GSDME: variants seen among roughly 807,000 people sequenced by gnomAD.
GSDME encodes the protein gasdermin E.
Under a neutral mutation model 47.5 loss-of-function variants are expected in GSDME, and 44 were observed. The observed-to-expected ratio is 0.93, with a 90% CI of 0.73 to 1.19. GSDME has a LOEUF of 1.19. Among genes scored for constraint, GSDME ranks in the 50% most tolerant of loss-of-function variants. The pLI is 0.00. For synonymous variants in GSDME, 258 were observed against 252.8 expected (o/e 1.02, Z -0.20); for missense variants, 663 against 604.2 (o/e 1.10, Z -1.02).
chr7:24,791,431 C>T, the GSDME span, among the ~76,000 whole-genome samples: 4 of 152,214 alleles, frequency 2.6e-5, no homozygotes, highest in Non-Finnish European at 5.9e-5. This position sits in a 1 kb window ranked among gnomAD's most constrained non-coding sequence, Gnocchi z 4.8. Context: ...TAGACCTTGC[C>T]TAGCATTGTG....
In GSDME at chr7:24,719,210, T is replaced by C. The variant is rs1285113783; in HGVS notation, c.413A>G (p.Asn138Ser). ...CTGCTGGAGCACAGGGTTTCTCAGA[T>C]TTATTGTTCTGAAAAAGAAAAACGG... ...LIRDSAERTI[N>S]LRNPVLQQVL... is the part of the protein sequence containing the mutation. The change falls in exon 4 of 10, where the codon AAT becomes AGT. Residue 138 changes from asparagine to serine, a missense_variant. Coordinates refer to ENST00000645220, the MANE Select transcript of GSDME (RefSeq NM_001127453.2). 6.2e-7 allele frequency: 1 copy of C among 1,611,278 alleles called. No individual in the cohort carries two copies. The highest frequency in any genetic ancestry group is 2.2e-5 in the East Asian group (1 of 44,902).
chr7:24,719,139 T>A lies in GSDME; in HGVS notation c.484A>T (p.Ile162Phe). The change falls in exon 4 of 10, where the codon ATC (isoleucine) becomes TTC (phenylalanine). Residue 162 changes from isoleucine (I) to phenylalanine (F), a missense_variant. By Grantham distance (21) the Ile-to-Phe change is conservative. Transcript: ENST00000645220. ...NEVLCVLTQK[I>F]TTMQKCVISE... is the part of the protein sequence containing the mutation. ...ATCACACACTTCTGCATCGTCGTGA[T>A]CTTCTGTGTCAAAACGCACAGGACC... 1 of 1,613,952 alleles carries A rather than the reference T, an allele frequency of 6.2e-7. No individual in the cohort carries two copies. The highest frequency in any genetic ancestry group is 8.5e-7 in the Non-Finnish European group (1 of 1,180,020).
chr7:24,744,815 G>T lies in GSDME; in HGVS notation c.212-61C>A, dbSNP rs146737189. On this transcript the variant is annotated intron_variant, in intron 2 of 9. Coordinates refer to ENST00000645220, the MANE Select transcript of GSDME (RefSeq NM_001127453.2). The surrounding 1 kb of genome is among the most constrained non-coding windows in gnomAD (Gnocchi z 4.5). ...TGATAAGGCCACCAAGATGTCTTGG[G>T]TCATTTAGCTTTCCAAGCCTGTGCA... 9.4e-4 allele frequency: 1,474 copies of T among 1,573,246 alleles called. 16 individuals are homozygous for T. In the African/African-American group the frequency reaches 0.018, roughly 19 times the overall value.
At chr7:24,760,642 C>T (rs981729905), upstream of GSDME, among the ~76,000 whole-genome samples, 18 of 152,090 alleles carry the variant, frequency 1.2e-4, no homozygotes, top group Admixed American at 3.3e-4. This position sits in a 1 kb window ranked among gnomAD's most constrained non-coding sequence, Gnocchi z 4.2. Context: ...CATAATTTTG[C>T]CTTTTACCAT....
chr7:24,773,755 C>G, the GSDME span, among the ~76,000 whole-genome samples: 2 of 152,328 alleles, frequency 1.3e-5, no homozygotes, highest in South Asian at 2.1e-4. This position sits in a 1 kb window ranked among gnomAD's most constrained non-coding sequence, Gnocchi z 5.4. Flanking sequence ...AAAGAATTCT[C>G]TCTAGAATCT....
In GSDME at chr7:24,733,784, T is replaced by C. The variant is rs1790217458; in HGVS notation, c.404+10778A>G. On this transcript the variant is annotated intron_variant, in intron 3 of 9. Transcript: ENST00000645220. This position sits in a 1 kb window ranked among gnomAD's most constrained non-coding sequence, Gnocchi z 4.3. Reference sequence around the variant, plus strand: ...TAGAGTAGAGCACCACATAGATTTCTAAGGTTTCCAACTCGAGGCCCTGAC... The same window carrying C: ...TAGAGTAGAGCACCACATAGATTTCCAAGGTTTCCAACTCGAGGCCCTGAC... Among the ~76,000 whole-genome samples, 1 of 152,174 alleles carries C rather than the reference T, an allele frequency of 6.6e-6. No individual in the cohort carries two copies. The highest frequency in any genetic ancestry group is 2.1e-4 in the South Asian group (1 of 4,828).
the GSDME span, among the ~76,000 whole-genome samples, chr7:24,787,831 T>G: frequency 6.6e-6 from 1 of 152,076 alleles, no homozygotes; most frequent in Non-Finnish European, 1.5e-5. This position sits in a 1 kb window ranked among gnomAD's most constrained non-coding sequence, Gnocchi z 5.0. Flanking sequence ...CTCAGCCTCC[T>G]GAGTAGCTGG....
chr7:24,774,386 C>T, the GSDME span, among the ~76,000 whole-genome samples: 5 of 149,236 alleles, frequency 3.4e-5, no homozygotes, highest in South Asian at 6.5e-4. Context: ...CTTAAGCCCT[C>T]GAAGAAGGCC....
At chr7:24,778,304 G>T in the GSDME span, among the ~76,000 whole-genome samples, 48 of 152,082 alleles carry the variant, frequency 3.2e-4, no homozygotes, top group African/African-American at 2.4e-5. This position sits in a 1 kb window ranked among gnomAD's most constrained non-coding sequence, Gnocchi z 5.6. Flanking sequence ...AGACACTGGG[G>T]CCTAGAAGCC....
chr7:24,721,275 G>C lies in GSDME; in HGVS notation c.405-2057C>G, dbSNP rs1789774734. 6.6e-6 allele frequency among the ~76,000 whole-genome samples: 1 copy of C among 152,156 alleles called. No homozygotes were observed. The highest frequency in any genetic ancestry group is 2.4e-5 in the African/African-American group (1 of 41,436). On this transcript the variant is annotated intron_variant, in intron 3 of 9. Transcript: ENST00000645220. The surrounding 1 kb of genome is among the most constrained non-coding windows in gnomAD (Gnocchi z 4.1). ...TTTTACCACAATAACAAATAGATAAGACATAGGAAAAACGGGTTCAATCTT... is the reference window on the plus strand; with the variant it reads ...TTTTACCACAATAACAAATAGATAACACATAGGAAAAACGGGTTCAATCTT...
At chr7:24,775,156 T>C in the GSDME span, among the ~76,000 whole-genome samples, 1 of 152,202 alleles carries the variant, frequency 6.6e-6, no homozygotes, top group Non-Finnish European at 1.5e-5. Flanking sequence ...AGTCTGTTGG[T>C]ACATTTTTCT....
rs1019534801 is a variant in GSDME at position 24,756,088 on chromosome 7, A to G, written c.-20+1308T>C. 1.3e-5 allele frequency among the ~76,000 whole-genome samples: 2 copies of G among 152,250 alleles called. No homozygotes were observed. The highest frequency in any genetic ancestry group is 6.5e-5 in the Admixed American group (1 of 15,292). ...TAATATTTCATCATTTCTTTCTAAA[A>G]TAAAAATCGGTATGTGAACGCAATG... On this transcript the variant is annotated intron_variant, in intron 1 of 9. Coordinates refer to ENST00000645220, the MANE Select transcript of GSDME (RefSeq NM_001127453.2). This position sits in a 1 kb window ranked among gnomAD's most constrained non-coding sequence, Gnocchi z 4.2.
At chr7:24,706,625 C>T (rs1366957983) in intron 7 of GSDME, among the ~76,000 whole-genome samples, 1 of 152,106 alleles carries the variant, frequency 6.6e-6, no homozygotes, top group Non-Finnish European at 1.5e-5. Flanking sequence ...TAGAACCTTC[C>T]AGGGCAGGGT....
At chr7:24,707,552 C>T (rs1789164428) in intron 7 of GSDME, 4 of 391,172 alleles carry the variant, frequency 1.0e-5, no homozygotes, top group Non-Finnish European at 2.1e-5. Flanking sequence ...CATATGTTAC[C>T]TGGAACCTAA....
intron 3 of GSDME, among the ~76,000 whole-genome samples, chr7:24,737,344 T>C (rs913964346): frequency 1.6e-4 from 25 of 151,764 alleles, no homozygotes; most frequent in African/African-American, 5.8e-4. Flanking sequence ...ATTCAAAGGA[T>C]CATTAGAGGC....
chr7:24,702,373 G>A (rs949099517), intron 9 of GSDME: 2 of 351,118 alleles, frequency 5.7e-6, no homozygotes, highest in African/African-American at 4.3e-5. Flanking sequence ...TGGCAAATCT[G>A]CTGCAGAGCT....
Position 24,716,884 on chromosome 7 carries a change from A to G in GSDME, c.697+370T>C. ...GACAGGGAAGCCAAGACTCAGCAAG[A>G]TTCAGCAACTTGCCTGAGACCTCAT... On this transcript the variant is annotated intron_variant, in intron 5 of 9. Transcript: ENST00000645220. The surrounding 1 kb of genome is among the most constrained non-coding windows in gnomAD (Gnocchi z 4.5). 3.1e-6 allele frequency: 1 copy of G among 322,474 alleles called. No homozygotes were observed. Among genetic ancestry groups the G allele is most frequent in the Non-Finnish European group, 6.1e-6 (1 of 164,172 alleles). 20.0% of individuals were successfully genotyped at this position (322,474 alleles called of 1,614,324 possible).
intron 6 of GSDME, among the ~76,000 whole-genome samples, chr7:24,709,307 T>A (rs1789250871): frequency 6.6e-6 from 1 of 152,230 alleles, no homozygotes; most frequent in African/African-American, 2.4e-5. Flanking sequence ...ACCCAGTGGC[T>A]GCAGGGCCAT....
chr7:24,699,226 G>A lies in GSDME; in HGVS notation c.1291C>T (p.Leu431Phe). Reference protein sequence around the residue: ...RALSDDGVSDLEDPTLTPLKD... With the variant: ...RALSDDGVSDFEDPTLTPLKD... ...AGGGGAGTCAAGGTTGGGTCTTCAA[G>A]ATCAGATACTCCATCATCAGACAGA... Residue 431 changes from leucine (L) to phenylalanine (F), a missense_variant, in exon 10 of 10, where the codon CTT becomes TTT. Transcript: ENST00000645220. 6.2e-7 allele frequency: 1 copy of A among 1,614,000 alleles called. No individual in the cohort carries two copies. Among genetic ancestry groups the A allele is most frequent in the East Asian group, 2.2e-5 (1 of 44,884 alleles).
Sources: gnomAD v4.1 joint callset for allele counts (sites outside exome capture counted in the v4.1 genomes callset) on GRCh38, gnomAD v4.1.1 for gene constraint, Gnocchi (gnomAD v3.1) non-coding constraint, MANE v1.5 for transcripts, NCBI Gene and HGNC (gene_info 2026-07-23, HGNC 2026-07-21) for gene names.